The following PRDM1 variants were observed in gnomAD, a reference collection of about 807,000 sequenced individuals.
The protein encoded by PRDM1 is PR domain zinc finger protein 1.
Under a neutral mutation model 62.8 loss-of-function variants are expected in PRDM1, and 13 were observed. The ratio of observed to expected loss-of-function variants is 0.21; its 90% confidence interval spans 0.13 to 0.33. The LOEUF is 0.33. Ranked by LOEUF, PRDM1 falls within the 10% of genes least tolerant of loss-of-function variation. The pLI is 1.00. For synonymous variants in PRDM1, 396 were observed against 417.6 expected (o/e 0.95, Z 0.63); for missense variants, 895 against 1,058.8 (o/e 0.85, Z 2.15).
Position 106,106,960 on chromosome 6 carries a change from G to A in PRDM1, c.1952G>A (p.Arg651Gln), listed in dbSNP as rs1345250314. ...SSTSNLKTHL[R>Q]LHSGEKPYQC... ...ACCAGCAATCTCAAGACCCACCTGC[G>A]ACTCCATTCTGGAGAGAAACCATAC... The change falls in exon 7 of 7, where the codon CGA becomes CAA. Residue 651 changes from arginine to glutamine, a missense_variant. Arg to Gln is a conservative substitution (Grantham distance 43, BLOSUM62 1). Coordinates refer to ENST00000369096, the MANE Select transcript of PRDM1 (RefSeq NM_001198.4). The surrounding 1 kb of genome is among the most constrained non-coding windows in gnomAD (Gnocchi z 4.4). 1 of 1,614,126 alleles carries A rather than the reference G, an allele frequency of 6.2e-7. No homozygotes were observed. Among genetic ancestry groups the A allele is most frequent in the East Asian group, 2.2e-5 (1 of 44,882 alleles).
rs995207686 is a variant in PRDM1, at chr6:106,011,140, T to A, written c.-67+17501T>A. Among the ~76,000 whole-genome samples, 4 of 152,192 alleles carry A rather than the reference T, an allele frequency of 2.6e-5. No individual in the cohort carries two copies. The East Asian group carries it at 5.8e-4, about 22-fold the overall frequency. On this transcript the variant is annotated intron_variant, in intron 1 of 6. Coordinates refer to the PRDM1 transcript ENST00000652320. Reference sequence around the variant, plus strand: ...CTTGGGGTAGTTTTCTTCTATTTGTTTGTTTTGTTTAGCTTTTCTATTTTA... The same window carrying A: ...CTTGGGGTAGTTTTCTTCTATTTGTATGTTTTGTTTAGCTTTTCTATTTTA...
intron 1 of PRDM1, among the ~76,000 whole-genome samples, chr6:106,067,710 C>T (rs1368178323): frequency 2.0e-5 from 3 of 152,002 alleles, no homozygotes; most frequent in African/African-American, 7.3e-5. Flanking sequence ...TTACCAGGGG[C>T]CGGGGAAAGG....
rs533928599 is a variant in PRDM1, at chr6:106,025,895, G to A, written c.-67+32256G>A. ...AAAGTTGGCAATCTCATATACAGGG[G>A]ACTCATAAGTTTTGAAACAGACCTC... On this transcript the variant is annotated intron_variant, in intron 1 of 6. Transcript: ENST00000652320. Among the ~76,000 whole-genome samples the A allele has an allele frequency of 3.3e-5, 5 of 152,208 alleles. No homozygotes were observed. In the East Asian group the frequency reaches 7.7e-4, roughly 23 times the overall value.
chr6:106,099,449 T>G lies in PRDM1; in HGVS notation c.561T>G (p.Ile187Met). The G allele has an allele frequency of 6.2e-7, 1 of 1,614,236 alleles. No individual in the cohort carries two copies. The highest frequency in any genetic ancestry group is 2.2e-5 in the East Asian group (1 of 44,890). Residue 187 changes from isoleucine to methionine, a missense_variant, in exon 4 of 7, where the codon ATT becomes ATG. Around this residue, in one of 4 missense-constraint regions of PRDM1, gnomAD observed 213 missense variants for 283.9 expected, o/e 0.75. Transcript: ENST00000369096. ...QNGMNIYFYT[I>M]KPIPANQELL... The stretch of plus-strand genomic sequence containing the variant: ...GGATGAACATCTACTTCTACACCAT[T>G]AAGCCCATCCCTGCCAACCAGGAAC...
At chr6:106,020,979 G>A (rs1772691158) in intron 1 of PRDM1, among the ~76,000 whole-genome samples, 1 of 152,112 alleles carries the variant, frequency 6.6e-6, no homozygotes, top group African/African-American at 2.4e-5. Flanking sequence ...ATCCTCTGAG[G>A]ACTTTCATTT....
chr6:106,033,339 G>A lies in PRDM1; in HGVS notation c.-67+39700G>A, dbSNP rs529422295. Among the ~76,000 whole-genome samples, 5 of 148,452 alleles carry A rather than the reference G, an allele frequency of 3.4e-5. No individual in the cohort carries two copies. The East Asian group carries it at 9.8e-4, about 29-fold the overall frequency. On this transcript the variant is annotated intron_variant, in intron 1 of 6. Coordinates refer to the PRDM1 transcript ENST00000652320. The stretch of plus-strand genomic sequence containing the variant: ...TTAGTTTTTTTTTTTTTTTTGTAGA[G>A]ACAGAATCTCTCTATATTGCCCAGG...
intron 1 of PRDM1, among the ~76,000 whole-genome samples, chr6:106,066,132 C>T (rs529514598): frequency 6.6e-6 from 1 of 152,130 alleles, no homozygotes; most frequent in Non-Finnish European, 1.5e-5. Context: ...TCCGCTTGCT[C>T]CTTCCAAATG....
chr6:106,027,668 GT>G (rs1162470327), intron 1 of PRDM1, among the ~76,000 whole-genome samples: 2 of 152,104 alleles, frequency 1.3e-5, no homozygotes, highest in Non-Finnish European at 1.5e-5. Context: ...TCAATGTAGG[GT>G]TTTATCTTAA....
At chr6:106,031,521 A>T (rs1267897795) in intron 1 of PRDM1, among the ~76,000 whole-genome samples, 1 of 152,188 alleles carries the variant, frequency 6.6e-6, no homozygotes, top group Non-Finnish European at 1.5e-5. Context: ...TTAGTGGTTT[A>T]TATTTTCTCT....
intron 1 of PRDM1, among the ~76,000 whole-genome samples, chr6:106,024,456 G>A (rs1772740131): frequency 6.6e-6 from 1 of 152,130 alleles, no homozygotes; most frequent in Admixed American, 6.5e-5. Context: ...TGCATGGTGT[G>A]GTAACGATGA....
intron 1 of PRDM1, among the ~76,000 whole-genome samples, chr6:106,064,557 G>A (rs758836780): frequency 2.0e-5 from 3 of 152,166 alleles, no homozygotes; most frequent in African/African-American, 2.4e-5. Context: ...AGTACTTGTC[G>A]TCTGAGGGCG....
chr6:106,106,579 C>G lies in PRDM1; in HGVS notation c.1902+80C>G. 1 of 1,568,962 alleles carries G rather than the reference C, an allele frequency of 6.4e-7. No homozygotes were observed. The highest frequency in any genetic ancestry group is 1.1e-5 in the South Asian group (1 of 86,976). ...TCACCCTCCCATGTCCTATATAGCC[C>G]GTAGTTAAAGCCAACACCAGATTCT... On this transcript the variant is annotated intron_variant, in intron 6 of 6. Coordinates refer to ENST00000369096, the MANE Select transcript of PRDM1 (RefSeq NM_001198.4). The surrounding 1 kb of genome is among the most constrained non-coding windows in gnomAD (Gnocchi z 4.4).
intron 1 of PRDM1, among the ~76,000 whole-genome samples, chr6:106,011,512 G>A (rs1772548286): frequency 6.6e-6 from 1 of 152,140 alleles, no homozygotes; most frequent in South Asian, 2.1e-4. Flanking sequence ...TATGTGCGAG[G>A]GGAGCAAGCC....
At chr6:106,077,655 C>T (rs1186154727) in intron 1 of PRDM1, among the ~76,000 whole-genome samples, 6 of 152,234 alleles carry the variant, frequency 3.9e-5, no homozygotes. Flanking sequence ...GTTTAATATA[C>T]ATAACAGTTT....
At chr6:106,067,895 A>G (rs1007089192) in intron 1 of PRDM1, among the ~76,000 whole-genome samples, 4 of 152,344 alleles carry the variant, frequency 2.6e-5, no homozygotes, top group African/African-American at 4.8e-5. Context: ...TTAAACCACA[A>G]TAAAAAAATG....
chr6:106,098,699 CCA>C, intron 3 of PRDM1: 1 of 1,377,010 alleles, frequency 7.3e-7, no homozygotes, highest in Non-Finnish European at 9.7e-7. Context: ...CACCTTTGCC[CCA>C]CCCAGTGTTT....
Position 106,009,910 on chromosome 6 carries a change from G to A in PRDM1, c.-67+16271G>A, listed in dbSNP as rs1170244956. Among the ~76,000 whole-genome samples the A allele has an allele frequency of 1.9e-4, 29 of 152,184 alleles. 1 individual carries two copies. Among genetic ancestry groups the A allele is most frequent in the Admixed American group, 1.8e-3 (28 of 15,276 alleles). ...TTTTTGTGTTTTTAGTAGAGACAGGGTTTCACCATGTTGGCCAGGCTGGTC... is the reference window on the plus strand; with the variant it reads ...TTTTTGTGTTTTTAGTAGAGACAGGATTTCACCATGTTGGCCAGGCTGGTC... On this transcript the variant is annotated intron_variant, in intron 1 of 6. Transcript: ENST00000652320.
chr6:106,103,652 A>G (rs1398853624), intron 4 of PRDM1, among the ~76,000 whole-genome samples: 1 of 152,116 alleles, frequency 6.6e-6, no homozygotes, highest in Non-Finnish European at 1.5e-5. Context: ...GGCATCATTT[A>G]TTGTGTAGCG....
At chr6:106,063,964 T>C (rs969198387) in intron 1 of PRDM1, among the ~76,000 whole-genome samples, 5 of 152,198 alleles carry the variant, frequency 3.3e-5, no homozygotes, top group African/African-American at 9.7e-5. Flanking sequence ...AGCTCACTCA[T>C]TCTGCAAAGG....
Sources: allele counts gnomAD v4.1 joint callset (sites outside exome capture counted in the v4.1 genomes callset), GRCh38; gene constraint gnomAD v4.1.1; regional missense constraint gnomAD v4.1.1; non-coding constraint Gnocchi (gnomAD v3.1); transcripts MANE v1.5; gene names NCBI Gene and HGNC (gene_info 2026-07-23, HGNC 2026-07-21).